Variants in CATSPERE observed in about 807,000 individuals in gnomAD.
CATSPERE encodes catsper channel auxiliary subunit epsilon, also known as cation channel sperm-associated auxiliary subunit epsilon.
In CATSPERE, 93 loss-of-function variants were observed where a neutral mutation model predicts 114.1. The observed-to-expected ratio is 0.81, with a 90% CI of 0.69 to 0.97. CATSPERE has a LOEUF of 0.97. Among genes scored for constraint, CATSPERE ranks in the 50% least tolerant of loss-of-function variants. The pLI, the probability that CATSPERE is intolerant of heterozygous loss-of-function variation, is 0.00. For synonymous variants in CATSPERE, 341 were observed against 384.1 expected, an observed-to-expected ratio of 0.89 and a Z score of 1.31; for missense variants, 1,058 against 1,131.6, an observed-to-expected ratio of 0.93 and a Z score of 0.93.
upstream of CATSPERE, chr1:244,451,495 AG>A (rs1665598965): frequency 1.1e-6 from 1 of 932,162 alleles, no homozygotes; most frequent in Non-Finnish European, 1.5e-6. This position sits in a 1 kb window ranked among gnomAD's most constrained non-coding sequence, Gnocchi z 6.6. Context: ...GCCGCAGCTC[AG>A]GACAGGAGGA....
At chr1:244,515,070 A>G (rs912735875) in intron 7 of CATSPERE, among the ~76,000 whole-genome samples, 1 of 152,232 alleles carries the variant, frequency 6.6e-6, no homozygotes, top group African/African-American at 2.4e-5. Flanking sequence ...ATGTTTGGCC[A>G]TTGTACTAAG....
intron 6 of CATSPERE, among the ~76,000 whole-genome samples, chr1:244,491,952 A>G (rs1672249029): frequency 6.6e-6 from 1 of 152,228 alleles, no homozygotes; most frequent in South Asian, 2.1e-4. Context: ...GCAATAATCA[A>G]TAGTTTACCA....
chr1:244,500,630 G>C (rs1673886594), intron 7 of CATSPERE, among the ~76,000 whole-genome samples: 1 of 152,098 alleles, frequency 6.6e-6, no homozygotes, highest in African/African-American at 2.4e-5. Context: ...ATTTTTGTCA[G>C]GTTTGTCGAA....
At chr1:244,527,447 T>C (rs1678827861) in intron 8 of CATSPERE, among the ~76,000 whole-genome samples, 1 of 152,248 alleles carries the variant, frequency 6.6e-6, no homozygotes, top group Non-Finnish European at 1.5e-5. Flanking sequence ...ATCTCTCTTG[T>C]TCCCTGAACA....
chr1:244,601,682 G>A (rs1669236897), intron 17 of CATSPERE, among the ~76,000 whole-genome samples: 1 of 152,154 alleles, frequency 6.6e-6, no homozygotes, highest in Non-Finnish European at 1.5e-5. Context: ...GGCCGGGCGC[G>A]GTGGCTCCAC....
At chr1:244,537,679 T>C (rs1057370732) in intron 8 of CATSPERE, among the ~76,000 whole-genome samples, 3 of 152,248 alleles carry the variant, frequency 2.0e-5, no homozygotes, top group Non-Finnish European at 2.9e-5. Context: ...TATGTGAATT[T>C]GACTTCTACT....
At position 244,593,384 on chromosome 1, in the gene CATSPERE, CTT is replaced by C. The variant is rs756205169; in HGVS notation, c.2190-7_2190-6del. The stretch of plus-strand genomic sequence containing the variant: ...AGGAAAGAGAAATAATGAGGAATGT[CTT>C]TTTCACAGGTCATATCTGAGGCATC... On this transcript the variant is annotated splice_polypyrimidine_tract_variant and intron_variant, in intron 15 of 21. Transcript: ENST00000366534. 3.7e-6 allele frequency: 6 copies of C among 1,611,638 alleles called. No homozygotes were observed. The South Asian group carries it at 6.6e-5, about 18-fold the overall frequency.
chr1:244,475,680 G>C (rs1669218674), intron 2 of CATSPERE, among the ~76,000 whole-genome samples: 1 of 151,768 alleles, frequency 6.6e-6, no homozygotes, highest in Admixed American at 6.6e-5. Context: ...GGGATTACAG[G>C]TGCGCACCAC....
rs565311390 is a variant in CATSPERE, at chr1:244,480,831, T to C, written c.326+1047T>C. On this transcript the variant is annotated intron_variant, in intron 5 of 21. Transcript: ENST00000366534. The stretch of plus-strand genomic sequence containing the variant: ...TCACTGCCACTTTCCCGGAGTCTTA[T>C]TGAGAAGCAGGGAGGATTGAGTCTC... Among the ~76,000 whole-genome samples, 9 of 152,310 alleles carry C rather than the reference T, an allele frequency of 5.9e-5. No individual in the cohort carries two copies. The South Asian group carries it at 6.2e-4, about 11-fold the overall frequency.
chr1:244,467,991 TA>T (rs1667881960), intron 2 of CATSPERE, among the ~76,000 whole-genome samples: 1 of 152,240 alleles, frequency 6.6e-6, no homozygotes, highest in Non-Finnish European at 1.5e-5. Flanking sequence ...ACCATTTCAA[TA>T]TCTATTTTTA....
At chr1:244,623,935 G>T (rs1434498996) in intron 20 of CATSPERE, among the ~76,000 whole-genome samples, 2 of 152,034 alleles carry the variant, frequency 1.3e-5, no homozygotes, top group African/African-American at 4.8e-5. Flanking sequence ...AATTGGGGTG[G>T]TGGTTGCTGA....
intron 2 of CATSPERE, among the ~76,000 whole-genome samples, chr1:244,470,417 A>G (rs1389959307): frequency 6.6e-6 from 1 of 152,260 alleles, no homozygotes; most frequent in Non-Finnish European, 1.5e-5. Context: ...CAAATGGCCA[A>G]TAAGCACATC....
chr1:244,485,242 C>G (rs1200943735), intron 5 of CATSPERE, among the ~76,000 whole-genome samples: 1 of 151,440 alleles, frequency 6.6e-6, no homozygotes, highest in Non-Finnish European at 1.5e-5. Context: ...AGAAAGGTGG[C>G]ATGATCTCAG....
rs767877369 is a variant in CATSPERE, at chr1:244,575,399, G to A, written c.1950+2627G>A. Among the ~76,000 whole-genome samples, 4 of 152,168 alleles carry A rather than the reference G, an allele frequency of 2.6e-5. No individual in the cohort carries two copies. The highest frequency in any genetic ancestry group is 5.9e-5 in the Non-Finnish European group (4 of 68,028). ...ACCTACCTCTTGGCTGCCGGGCTGCGCGGCATGGTATCCTGGCCCCGGCAC... is the reference window on the plus strand; with the variant it reads ...ACCTACCTCTTGGCTGCCGGGCTGCACGGCATGGTATCCTGGCCCCGGCAC... On this transcript the variant is annotated intron_variant, in intron 11 of 21. Coordinates refer to ENST00000366534, the MANE Select transcript of CATSPERE (RefSeq NM_001130957.2). This position sits in a 1 kb window ranked among gnomAD's most constrained non-coding sequence, Gnocchi z 4.5.
chr1:244,578,189 T>C (rs936849533), intron 11 of CATSPERE, among the ~76,000 whole-genome samples: 1 of 152,198 alleles, frequency 6.6e-6, no homozygotes, highest in East Asian at 1.9e-4. Flanking sequence ...GTTTCACTCT[T>C]GTTGCCCAGG....
intron 19 of CATSPERE, among the ~76,000 whole-genome samples, chr1:244,615,548 G>A (rs1008184919): frequency 1.3e-5 from 2 of 150,970 alleles, no homozygotes; most frequent in African/African-American, 4.9e-5. Context: ...CCACAAACAC[G>A]CACAGCATGT....
chr1:244,548,816 A>G lies in CATSPERE; in HGVS notation c.537-3506A>G, dbSNP rs751393702. Among the ~76,000 whole-genome samples the G allele has an allele frequency of 2.6e-5, 4 of 152,192 alleles. No homozygotes were observed. In the South Asian group the frequency reaches 8.3e-4, roughly 32 times the overall value. Reference sequence around the variant, plus strand: ...ATATGCTCTGAATCATGCCTAATATATGGTGTTGTTTTTCTGATTGCCAGG... The same window carrying G: ...ATATGCTCTGAATCATGCCTAATATGTGGTGTTGTTTTTCTGATTGCCAGG... On this transcript the variant is annotated intron_variant, in intron 8 of 21. Transcript: ENST00000366534.
At chr1:244,467,255 T>A (rs1251310811) in intron 2 of CATSPERE, among the ~76,000 whole-genome samples, 4 of 152,136 alleles carry the variant, frequency 2.6e-5, no homozygotes, top group African/African-American at 9.7e-5. Context: ...TTCTACCAAA[T>A]CTTTAAGAAG....
intron 7 of CATSPERE, among the ~76,000 whole-genome samples, chr1:244,499,611 G>C (rs1673696614): frequency 6.6e-6 from 1 of 151,210 alleles, no homozygotes; most frequent in Non-Finnish European, 1.5e-5. Flanking sequence ...TTCTGTTCTT[G>C]TGTTAGTTTG....
Sources: gnomAD v4.1 joint callset for allele counts (sites outside exome capture counted in the v4.1 genomes callset) on GRCh38, gnomAD v4.1.1 for gene constraint, Gnocchi (gnomAD v3.1) non-coding constraint, MANE v1.5 for transcripts, NCBI Gene and HGNC (gene_info 2026-07-23, HGNC 2026-07-21) for gene names.